The following ANO2 variants were observed in gnomAD, a reference collection of about 807,000 sequenced individuals.
ANO2 encodes the protein anoctamin-2.
A neutral mutation model predicts 124.2 loss-of-function variants in ANO2; 101 were observed. The observed-to-expected ratio is 0.81, with a 90% CI of 0.69 to 0.96. The LOEUF (loss-of-function observed/expected upper bound fraction) is 0.96, where lower values mean the gene tolerates loss of function less well. Among genes scored for constraint, ANO2 ranks in the 40% least tolerant of loss-of-function variants. The probability of loss-of-function intolerance (pLI) is 0.00; values close to 1 mark genes in which losing one functional copy is unlikely to be tolerated. For missense variants in ANO2, 1,293 were observed against 1,274.5 expected (o/e 1.01, Z -0.22); for synonymous variants, 486 against 482.5 (o/e 1.01, Z -0.09).
chr12:5,933,235 A>G (rs1942505078), intron 1 of ANO2, among the ~76,000 whole-genome samples: 1 of 152,200 alleles, frequency 6.6e-6, no homozygotes, highest in Admixed American at 6.5e-5. Context: ...GTGCACACAC[A>G]GCCACACATG....
At chr12:5,935,652 A>G (rs1407713096) in intron 1 of ANO2, among the ~76,000 whole-genome samples, 2 of 152,222 alleles carry the variant, frequency 1.3e-5, no homozygotes, top group Non-Finnish European at 2.9e-5. Context: ...TACAAGACCT[A>G]TTCTGTGTGG....
chr12:5,874,829 G>T (rs952227755), intron 3 of ANO2, among the ~76,000 whole-genome samples: 2 of 152,178 alleles, frequency 1.3e-5, no homozygotes, highest in African/African-American at 2.4e-5. Flanking sequence ...CATCATCAAG[G>T]ACAGGACTCA....
chr12:5,822,951 G>C (rs911078972), intron 7 of ANO2, among the ~76,000 whole-genome samples: 1 of 151,954 alleles, frequency 6.6e-6, no homozygotes, highest in Non-Finnish European at 1.5e-5. Flanking sequence ...AGAAACCCCT[G>C]ATAAACCCAT....
intron 16 of ANO2, among the ~76,000 whole-genome samples, chr12:5,632,372 C>A (rs143176516): frequency 4.0e-5 from 6 of 151,594 alleles, no homozygotes; most frequent in African/African-American, 1.5e-4. Context: ...GTAAAGTGAG[C>A]GTATAACACT....
intron 15 of ANO2, among the ~76,000 whole-genome samples, chr12:5,638,890 A>G (rs1308324945): frequency 6.6e-6 from 1 of 152,156 alleles, no homozygotes; most frequent in Non-Finnish European, 1.5e-5. Context: ...ACTTGACGCC[A>G]AGAGAGAGAC....
intron 23 of ANO2, among the ~76,000 whole-genome samples, chr12:5,570,615 CA>C (rs1942052367): frequency 6.6e-6 from 1 of 152,142 alleles, no homozygotes. Flanking sequence ...TGACATCTGC[CA>C]CAATTCATCA....
At position 5,635,135 on chromosome 12, in the gene ANO2, T is replaced by G; in HGVS notation, c.1816+17A>C. ...AAAGAGGGCCTAGGACAGCCAGAAGTCTCGGTGACACAGTACCAATTTTGG... is the reference window on the plus strand; with the variant it reads ...AAAGAGGGCCTAGGACAGCCAGAAGGCTCGGTGACACAGTACCAATTTTGG... On this transcript the variant is annotated intron_variant, in intron 16 of 24. Transcript: ENST00000682330. The surrounding 1 kb of genome is among the most constrained non-coding windows in gnomAD (Gnocchi z 5.2). The G allele has an allele frequency of 6.5e-7, 1 of 1,546,028 alleles. No individual in the cohort carries two copies. The highest frequency in any genetic ancestry group is 8.7e-7 in the Non-Finnish European group (1 of 1,152,788).
At chr12:5,662,215 C>T (rs1185258879) in intron 14 of ANO2, among the ~76,000 whole-genome samples, 1 of 152,254 alleles carries the variant, frequency 6.6e-6, no homozygotes, top group African/African-American at 2.4e-5. Context: ...CTGCTTGACA[C>T]ACCAGAGAAG....
chr12:5,868,004 A>G (rs1057372413), intron 3 of ANO2, among the ~76,000 whole-genome samples: 1 of 152,174 alleles, frequency 6.6e-6, no homozygotes. Flanking sequence ...CAATAGCACA[A>G]TGGATAACTA....
intron 10 of ANO2, among the ~76,000 whole-genome samples, 178 bp downstream of exon 10, chr12:5,799,329 T>C (rs1292868959): frequency 6.6e-6 from 1 of 152,162 alleles, no homozygotes; most frequent in Non-Finnish European, 1.5e-5. Flanking sequence ...AGCCTCCATG[T>C]CCCTCCCATG....
chr12:5,945,260 G>A, upstream of ANO2: 1 of 1,278,862 alleles, frequency 7.8e-7, no homozygotes. Flanking sequence ...GCGCGCTTCT[G>A]GGCAGGCTTA....
chr12:5,873,419 G>A (rs1274009867), intron 3 of ANO2, among the ~76,000 whole-genome samples: 1 of 152,100 alleles, frequency 6.6e-6, no homozygotes, highest in African/African-American at 2.4e-5. Flanking sequence ...TGGGCAAATA[G>A]CATCCAACTC....
intron 20 of ANO2, among the ~76,000 whole-genome samples, chr12:5,591,700 T>A (rs1242115301): frequency 6.6e-6 from 1 of 152,180 alleles, no homozygotes; most frequent in Non-Finnish European, 1.5e-5. Flanking sequence ...GATCTTTAAA[T>A]CAAAATACTT....
At chr12:5,853,092 T>C (rs2137252950) in intron 4 of ANO2, among the ~76,000 whole-genome samples, 1 of 151,852 alleles carries the variant, frequency 6.6e-6, no homozygotes, top group East Asian at 1.9e-4. Context: ...GAGCACATGC[T>C]TCCTTTCTCT....
At chr12:5,722,307 C>T (rs971260607) in intron 14 of ANO2, among the ~76,000 whole-genome samples, 3 of 152,100 alleles carry the variant, frequency 2.0e-5, no homozygotes, top group African/African-American at 7.2e-5. Context: ...GAGATTGAGA[C>T]CATCCTGGCT....
chr12:5,944,525 G>A (rs923298888), intron 1 of ANO2, among the ~76,000 whole-genome samples: 2 of 152,204 alleles, frequency 1.3e-5, no homozygotes, highest in Non-Finnish European at 2.9e-5. Context: ...CAAAGTCCCT[G>A]TCCCAGGCAA....
At chr12:5,793,094 C>CA (rs1174265986) in intron 10 of ANO2, among the ~76,000 whole-genome samples, 1 of 152,256 alleles carries the variant, frequency 6.6e-6, no homozygotes, top group Admixed American at 6.5e-5. Context: ...CTGTTGTTGA[C>CA]ACAATTGTTG....
chr12:5,678,364 G>A (rs1219685778), intron 14 of ANO2, among the ~76,000 whole-genome samples: 1 of 152,202 alleles, frequency 6.6e-6, no homozygotes, highest in Non-Finnish European at 1.5e-5. Flanking sequence ...CCTGGACACT[G>A]GCTCCAAGCC....
chr12:5,766,450 C>A (rs938716305), intron 10 of ANO2, among the ~76,000 whole-genome samples: 3 of 152,146 alleles, frequency 2.0e-5, no homozygotes, highest in Non-Finnish European at 4.4e-5. Context: ...AGCCAGATAC[C>A]AGAGTATATA....
Sources: gnomAD v4.1 joint callset for allele counts (sites outside exome capture counted in the v4.1 genomes callset) on GRCh38, gnomAD v4.1.1 for gene constraint, Gnocchi (gnomAD v3.1) non-coding constraint, MANE v1.5 for transcripts, NCBI Gene and HGNC (gene_info 2026-07-23, HGNC 2026-07-21) for gene names.